Variants in ABCA13 observed in about 807,000 individuals in gnomAD.
The protein encoded by ABCA13 is ATP binding cassette subfamily A member 13.
Under a neutral mutation model 478.7 loss-of-function variants are expected in ABCA13, and 476 were observed. That is an observed-to-expected ratio of 0.99 (90% CI 0.92 to 1.07). The LOEUF (loss-of-function observed/expected upper bound fraction) is 1.07, where lower values mean the gene tolerates loss of function less well. ABCA13 is among the 50% of genes least tolerant of loss of function. ABCA13 has a pLI of 0.00. For synonymous variants in ABCA13, 2,252 were observed against 2,158.9 expected (o/e 1.04, Z -1.20); for missense variants, 6,060 against 5,910.6 (o/e 1.03, Z -0.83).
At chr7:48,232,727 T>C (rs1018201028) in intron 7 of ABCA13, among the ~76,000 whole-genome samples, 4 of 152,206 alleles carry the variant, frequency 2.6e-5, no homozygotes, top group Non-Finnish European at 5.9e-5. Flanking sequence ...GATTTTATAC[T>C]TTTATAAGTA....
intron 48 of ABCA13, among the ~76,000 whole-genome samples, chr7:48,496,434 GTTCTAA>G (rs1039744922): frequency 6.6e-6 from 1 of 152,036 alleles, no homozygotes; most frequent in Non-Finnish European, 1.5e-5. Context: ...ATCAGATGGT[GTTCTAA>G]TTCTTAGTTA....
intron 59 of ABCA13, among the ~76,000 whole-genome samples, chr7:48,624,371 C>T (rs1793459505): frequency 6.6e-6 from 1 of 152,024 alleles, no homozygotes; most frequent in Non-Finnish European, 1.5e-5. Context: ...CTCCCTTGAA[C>T]CTGATTGACA....
At chr7:48,549,891 C>T (rs1474565461) in intron 55 of ABCA13, among the ~76,000 whole-genome samples, 2 of 151,720 alleles carry the variant, frequency 1.3e-5, no homozygotes, top group Non-Finnish European at 2.9e-5. Flanking sequence ...TATCCTTTGC[C>T]CACTTTTTGA....
chr7:48,335,437 T>C lies in ABCA13; in HGVS notation c.10015T>C (p.Tyr3339His). ...KVIQKANYTF[Y>H]IVDKLKTLSE... is the part of the protein sequence containing the mutation. ...CATTTTGCAGGCTAATTACACCTTT[T>C]ATATTGTGGACAAACTAAAAACTTT... Residue 3339 changes from tyrosine (Y) to histidine (H), a missense_variant, in exon 28 of 62, where the codon TAT becomes CAT. Tyr to His is a moderately conservative substitution (Grantham distance 83). Transcript: ENST00000435803. 1 of 1,610,762 alleles carries C rather than the reference T, an allele frequency of 6.2e-7. No homozygotes were observed. The highest frequency in any genetic ancestry group is 2.2e-5 in the East Asian group (1 of 44,770).
chr7:48,577,481 T>C (rs536970174), intron 55 of ABCA13, among the ~76,000 whole-genome samples: 16 of 152,206 alleles, frequency 1.1e-4, no homozygotes, highest in African/African-American at 3.8e-4. Flanking sequence ...CTTTGATAAC[T>C]TACTTGAAAT....
chr7:48,375,021 G>T (rs1459250841), intron 34 of ABCA13, among the ~76,000 whole-genome samples: 1 of 152,192 alleles, frequency 6.6e-6, no homozygotes. Context: ...AATGCCTGAT[G>T]ATCTGTCACT....
intron 59 of ABCA13, among the ~76,000 whole-genome samples, chr7:48,637,393 A>AAAAAAAAAAAAAAAAT (rs1563536750): frequency 6.8e-6 from 1 of 147,982 alleles, no homozygotes; most frequent in Non-Finnish European, 1.5e-5. Flanking sequence ...AAAAAAAAAA[A>AAAAAAAAAAAAAAAAT]AAAAAAAAAA....
chr7:48,570,822 G>T (rs1787573158), intron 55 of ABCA13, among the ~76,000 whole-genome samples: 2 of 151,838 alleles, frequency 1.3e-5, no homozygotes, highest in African/African-American at 4.8e-5. Flanking sequence ...TGGTAAAATT[G>T]GTTTCCACCA....
chr7:48,480,660 G>A (rs4996174), intron 45 of ABCA13, among the ~76,000 whole-genome samples: 2 of 152,192 alleles, frequency 1.3e-5, no homozygotes, highest in Admixed American at 6.5e-5. Context: ...AGAGACACAC[G>A]CCTTTGAATT....
At chr7:48,579,034 T>C (rs1203509082) in intron 55 of ABCA13, among the ~76,000 whole-genome samples, 4 of 152,204 alleles carry the variant, frequency 2.6e-5, no homozygotes, top group Middle Eastern at 3.2e-3. Context: ...ATAAAAGTTC[T>C]AGAAAATAAC....
chr7:48,533,888 T>C (rs548453707), intron 55 of ABCA13, among the ~76,000 whole-genome samples: 1 of 152,188 alleles, frequency 6.6e-6, no homozygotes, highest in East Asian at 1.9e-4. Context: ...ATGTGTATCC[T>C]TATGTGTTAG....
At chr7:48,593,034 C>A (rs1438568826) in intron 57 of ABCA13, among the ~76,000 whole-genome samples, 1 of 151,862 alleles carries the variant, frequency 6.6e-6, no homozygotes, top group South Asian at 2.1e-4. Context: ...CACTTTATGC[C>A]TTTTGATTGG....
intron 52 of ABCA13, among the ~76,000 whole-genome samples, chr7:48,518,736 A>T (rs770013274): frequency 9.9e-5 from 15 of 152,186 alleles, no homozygotes; most frequent in Non-Finnish European, 1.8e-4. Flanking sequence ...GCTTTGTAGC[A>T]TTAATTCTTA....
intron 16 of ABCA13, among the ~76,000 whole-genome samples, chr7:48,270,714 A>T (rs1795484110): frequency 6.6e-6 from 1 of 152,202 alleles, no homozygotes; most frequent in Admixed American, 6.5e-5. Flanking sequence ...GGAAGTAAAC[A>T]GCATTCTTGC....
At chr7:48,500,942 A>G (rs1830688128) in intron 48 of ABCA13, among the ~76,000 whole-genome samples, 1 of 152,170 alleles carries the variant, frequency 6.6e-6, no homozygotes. Context: ...CTCCCATCAG[A>G]CTGCTGCGGC....
chr7:48,600,883 A>C (rs1440068376), intron 58 of ABCA13, among the ~76,000 whole-genome samples: 1 of 152,180 alleles, frequency 6.6e-6, no homozygotes, highest in African/African-American at 2.4e-5. Flanking sequence ...AAATGTGAGA[A>C]AATTTTGGCC....
chr7:48,279,790 G>C lies in ABCA13; in HGVS notation c.8596G>C (p.Glu2866Gln), dbSNP rs551407561. 1.2e-6 allele frequency: 2 copies of C among 1,604,800 alleles called. No individual in the cohort carries two copies. Among genetic ancestry groups the C allele is most frequent in the Non-Finnish European group, 1.7e-6 (2 of 1,177,560 alleles). Residue 2866 changes from glutamate (E) to glutamine (Q), a missense_variant, in exon 18 of 62, where the codon GAA (glutamate) becomes CAA (glutamine). Around this residue, in one of 3 missense-constraint regions of ABCA13, gnomAD observed 4,423 missense variants for 4,309.1 expected, o/e 1.03. Transcript: ENST00000435803. ...CGGAAAGAATGTCACATCAGAAAAA[G>C]AAGAGAGAACCAAGAAAGAGATGAT... ...TTGKNVTSEK[E>Q]ERTKKEMIDF...
At chr7:48,197,560 T>A (rs1469844157) in intron 2 of ABCA13, among the ~76,000 whole-genome samples, 1 of 151,820 alleles carries the variant, frequency 6.6e-6, no homozygotes, top group Non-Finnish European at 1.5e-5. Flanking sequence ...GAAAACCAGG[T>A]GTACTGTGCA....
chr7:48,628,288 A>G (rs1348866913), intron 59 of ABCA13, among the ~76,000 whole-genome samples: 5 of 152,228 alleles, frequency 3.3e-5, no homozygotes, highest in African/African-American at 1.2e-4. Flanking sequence ...CTACAGCTAC[A>G]TGTGGCCGAA....
Sources: allele counts gnomAD v4.1 joint callset (sites outside exome capture counted in the v4.1 genomes callset), GRCh38; gene constraint gnomAD v4.1.1; regional missense constraint gnomAD v4.1.1; transcripts MANE v1.5; gene names NCBI Gene and HGNC (gene_info 2026-07-23, HGNC 2026-07-21).